SCD5: variants seen among roughly 807,000 people sequenced by gnomAD.
The protein encoded by SCD5 is stearoyl-CoA desaturase 5, also known as acyl-CoA-desaturase 4.
Under a neutral mutation model 30.4 loss-of-function variants are expected in SCD5, and 20 were observed. That is an observed-to-expected ratio of 0.66 (90% confidence interval 0.46 to 0.96). The LOEUF (loss-of-function observed/expected upper bound fraction) is 0.96, where lower values mean the gene tolerates loss of function less well. Ranked by LOEUF, SCD5 falls within the 40% of genes least tolerant of loss-of-function variation. The pLI, the probability that SCD5 is intolerant of heterozygous loss-of-function variation, is 0.00. For missense variants in SCD5, 381 were observed against 443.3 expected, an observed-to-expected ratio of 0.86 and a Z score of 1.26; for synonymous variants, 173 against 176.4, an observed-to-expected ratio of 0.98 and a Z score of 0.16.
chr4:82,730,827 G>A (rs188039259), intron 1 of SCD5, among the ~76,000 whole-genome samples: 40 of 152,102 alleles, frequency 2.6e-4, no homozygotes, highest in East Asian at 2.3e-3. Context: ...CTCGTAATCC[G>A]CTTGCCTCGG....
chr4:82,637,771 G>A (rs1394494406), intron 3 of SCD5, among the ~76,000 whole-genome samples: 1 of 152,186 alleles, frequency 6.6e-6, no homozygotes, highest in East Asian at 1.9e-4. Context: ...CAGTGTGAGG[G>A]CATGAAATTT....
chr4:82,731,083 C>A lies in SCD5; in HGVS notation c.233-25670G>T, dbSNP rs546195309. The stretch of plus-strand genomic sequence containing the variant: ...ATGATATTTTAGTTTTTTTCAATTC[C>A]TTTTTTCATTTCCAATCTGGGACTG... On this transcript the variant is annotated intron_variant, in intron 1 of 4. Coordinates refer to ENST00000319540, the MANE Select transcript of SCD5 (RefSeq NM_001037582.3). Among the ~76,000 whole-genome samples the A allele has an allele frequency of 1.3e-4, 20 of 152,210 alleles. No individual in the cohort carries two copies. In the East Asian group the frequency reaches 3.9e-3, roughly 29 times the overall value.
intron 1 of SCD5, among the ~76,000 whole-genome samples, chr4:82,796,750 G>A (rs541350511): frequency 6.6e-6 from 1 of 152,226 alleles, no homozygotes; most frequent in Non-Finnish European, 1.5e-5. Context: ...AAGCAGGGGG[G>A]AGAGAGGAGC....
intron 1 of SCD5, among the ~76,000 whole-genome samples, chr4:82,761,383 T>C (rs11731722): frequency 0.07 from 10,584 of 152,154 alleles, 766 homozygotes; most frequent in African/African-American, 0.18. Flanking sequence ...GAAGATTCCA[T>C]CCACACCAAG....
chr4:82,635,341 C>T (rs528591938), intron 4 of SCD5, among the ~76,000 whole-genome samples: 3 of 152,198 alleles, frequency 2.0e-5, no homozygotes, highest in Non-Finnish European at 1.5e-5. Context: ...CATCACGGGC[C>T]GGGCACGGTG....
chr4:82,700,004 G>C (rs1719783541), intron 2 of SCD5, among the ~76,000 whole-genome samples: 1 of 151,850 alleles, frequency 6.6e-6, no homozygotes, highest in African/African-American at 2.4e-5. Context: ...ATCACTTGAG[G>C]CCAGGAGTTT....
At chr4:82,665,061 C>CACAT (rs1728149343) in intron 3 of SCD5, among the ~76,000 whole-genome samples, 1 of 22,326 alleles carries the variant, frequency 4.5e-5, no homozygotes, top group African/African-American at 3.3e-4. Flanking sequence ...TACACACACA[C>CACAT]ATATATATAT....
intron 3 of SCD5, among the ~76,000 whole-genome samples, chr4:82,666,469 C>T (rs1358523756): frequency 6.6e-6 from 1 of 151,414 alleles, no homozygotes; most frequent in East Asian, 1.9e-4. Flanking sequence ...TGAGCCGGAT[C>T]GCGCCACTGC....
intron 1 of SCD5, among the ~76,000 whole-genome samples, chr4:82,706,019 T>C (rs1389115541): frequency 2.6e-5 from 4 of 152,262 alleles, no homozygotes; most frequent in African/African-American, 9.6e-5. Context: ...TGACAAATCA[T>C]TCCTTACTTG....
intron 2 of SCD5, among the ~76,000 whole-genome samples, chr4:82,697,664 GA>G (rs1239572769): frequency 3.3e-5 from 5 of 152,204 alleles, no homozygotes; most frequent in African/African-American, 1.2e-4. Context: ...TTTGTTGGTA[GA>G]AAGTATAATT....
chr4:82,641,552 T>C (rs1375826294), intron 3 of SCD5, among the ~76,000 whole-genome samples: 1 of 152,108 alleles, frequency 6.6e-6, no homozygotes, highest in African/African-American at 2.4e-5. Flanking sequence ...AGTGAGAAGT[T>C]AGCCATTTGG....
chr4:82,780,162 T>C (rs1266296806), intron 1 of SCD5, among the ~76,000 whole-genome samples: 1 of 152,238 alleles, frequency 6.6e-6, no homozygotes, highest in Non-Finnish European at 1.5e-5. Flanking sequence ...CTACATTCCA[T>C]GCCTAGCATG....
intron 1 of SCD5, among the ~76,000 whole-genome samples, chr4:82,778,441 C>A (rs1218537293): frequency 1.3e-5 from 2 of 152,206 alleles, no homozygotes; most frequent in Non-Finnish European, 2.9e-5. Context: ...AGATTAGAAG[C>A]CTGAGCCAGG....
intron 1 of SCD5, among the ~76,000 whole-genome samples, chr4:82,752,457 A>G (rs1258365886): frequency 6.6e-6 from 1 of 152,140 alleles, no homozygotes; most frequent in African/African-American, 2.4e-5. Flanking sequence ...CTACTAGGTT[A>G]GGATGATTTG....
chr4:82,692,326 GA>G, intron 2 of SCD5: 1 of 156,008 alleles, frequency 6.4e-6, no homozygotes. Context: ...ACTTCCTGCT[GA>G]AAGCTGCCCA....
At chr4:82,670,618 T>C (rs1040884136) in intron 3 of SCD5, among the ~76,000 whole-genome samples, 3 of 151,844 alleles carry the variant, frequency 2.0e-5, no homozygotes, top group Admixed American at 6.6e-5. Context: ...ATGGTAAATA[T>C]CAATTGATAT....
At chr4:82,692,654 C>A (rs1216548375) in intron 2 of SCD5, among the ~76,000 whole-genome samples, 1 of 152,214 alleles carries the variant, frequency 6.6e-6, no homozygotes, top group East Asian at 1.9e-4. Context: ...GGGGGTGCCA[C>A]AGTGGATTTC....
At chr4:82,739,322 A>G (rs957699832) in intron 1 of SCD5, among the ~76,000 whole-genome samples, 7 of 152,200 alleles carry the variant, frequency 4.6e-5, no homozygotes, top group Admixed American at 4.6e-4. Context: ...TTTCCACCAC[A>G]AACTCAACTC....
chr4:82,749,737 C>T (rs1211535200), intron 1 of SCD5, among the ~76,000 whole-genome samples: 2 of 152,188 alleles, frequency 1.3e-5, no homozygotes, highest in Admixed American at 1.3e-4. Flanking sequence ...CCAACTATTT[C>T]ACAGATTCAT....
Sources: allele counts gnomAD v4.1 joint callset (sites outside exome capture counted in the v4.1 genomes callset), GRCh38; gene constraint gnomAD v4.1.1; transcripts MANE v1.5; gene names NCBI Gene and HGNC (gene_info 2026-07-23, HGNC 2026-07-21).